The following SOX5 variants were observed in gnomAD, a reference collection of about 807,000 sequenced individuals.
SOX5 encodes the protein transcription factor SOX-5.
In SOX5, 9 loss-of-function variants were observed where a neutral mutation model predicts 92.0. The observed-to-expected ratio is 0.10, with a 90% CI of 0.06 to 0.17. The LOEUF is 0.17. SOX5 is among the 10% of genes least tolerant of loss of function. The pLI is 1.00. For synonymous variants in SOX5, 344 were observed against 336.3 expected, an observed-to-expected ratio of 1.02 and a Z score of -0.25; for missense variants, 642 against 944.5, an observed-to-expected ratio of 0.68 and a Z score of 4.20.
At chr12:23,708,607 G>A (rs560415384) in intron 6 of SOX5, among the ~76,000 whole-genome samples, 63 of 152,290 alleles carry the variant, frequency 4.1e-4, no homozygotes, top group African/African-American at 1.4e-3. Flanking sequence ...ACAGGAGAGC[G>A]AAGCTACTGG....
At chr12:24,086,195 A>AT (rs61331107) in intron 4 of SOX5, among the ~76,000 whole-genome samples, 1,947 of 149,122 alleles carry the variant, frequency 0.013, 26 homozygotes, top group African/African-American at 0.042. Flanking sequence ...AATGCAGTAC[A>AT]TTTTTTTTTT....
intron 9 of SOX5, 106 bp downstream of exon 9, chr12:23,604,281 C>T: frequency 8.3e-6 from 10 of 1,200,166 alleles, no homozygotes; most frequent in Non-Finnish European, 1.2e-5. Flanking sequence ...CCTCCTTGTA[C>T]ACCCAGAGTT....
chr12:23,583,536 C>T (rs140363736), intron 9 of SOX5, among the ~76,000 whole-genome samples: 21 of 152,172 alleles, frequency 1.4e-4, no homozygotes, highest in African/African-American at 4.8e-4. Flanking sequence ...CCTCTGGTCC[C>T]CAGACAACTT....
At chr12:24,361,844 A>C (rs921743754) in intron 2 of SOX5, among the ~76,000 whole-genome samples, 1 of 152,232 alleles carries the variant, frequency 6.6e-6, no homozygotes. Context: ...CTGGGATTTC[A>C]GTTCAGGCTT....
At chr12:23,942,597 G>C (rs1595812427) in intron 1 of SOX5, among the ~76,000 whole-genome samples, 1 of 151,054 alleles carries the variant, frequency 6.6e-6, no homozygotes, top group East Asian at 2.0e-4. Context: ...TTGCTGCTCA[G>C]TGTCCCAATT....
chr12:24,408,794 T>C (rs971154717), intron 1 of SOX5, among the ~76,000 whole-genome samples: 34 of 152,192 alleles, frequency 2.2e-4, no homozygotes, highest in African/African-American at 8.0e-4. Flanking sequence ...ATTAATAATT[T>C]GGAATGGCAA....
At chr12:24,334,888 A>G (rs988467945) in intron 2 of SOX5, among the ~76,000 whole-genome samples, 2 of 145,150 alleles carry the variant, frequency 1.4e-5, no homozygotes, top group Non-Finnish European at 3.0e-5. Flanking sequence ...TTTACACCAT[A>G]TTTACAGTTA....
At chr12:24,426,247 T>G (rs1966748457) in intron 1 of SOX5, among the ~76,000 whole-genome samples, 1 of 144,416 alleles carries the variant, frequency 6.9e-6, no homozygotes, top group Non-Finnish European at 1.5e-5. Context: ...ATATTCTCAC[T>G]CATAGGTGGG....
chr12:23,840,338 A>C (rs2096496932), intron 3 of SOX5, among the ~76,000 whole-genome samples: 1 of 152,190 alleles, frequency 6.6e-6, no homozygotes, highest in Non-Finnish European at 1.5e-5. Flanking sequence ...CATTAAAGAT[A>C]CTCATAAATA....
intron 3 of SOX5, among the ~76,000 whole-genome samples, chr12:23,829,752 T>A (rs1379944639): frequency 6.6e-6 from 1 of 152,146 alleles, no homozygotes. Context: ...AGGAATCAAA[T>A]AGATTCTTTT....
At chr12:24,234,181 A>G (rs113186568) in intron 3 of SOX5, among the ~76,000 whole-genome samples, 24 of 152,322 alleles carry the variant, frequency 1.6e-4, no homozygotes, top group Non-Finnish European at 2.9e-4. Flanking sequence ...ATAATATTTC[A>G]CAGCATAATT....
At chr12:23,543,081 G>T in intron 13 of SOX5, 130 bp downstream of exon 13, 2 of 624,432 alleles carry the variant, frequency 3.2e-6, no homozygotes, top group Non-Finnish European at 2.7e-6. Context: ...CCTCAATGAT[G>T]ATGTTTATTT....
intron 1 of SOX5, among the ~76,000 whole-genome samples, chr12:23,922,071 C>A (rs193264694): frequency 6.6e-5 from 10 of 152,262 alleles, no homozygotes; most frequent in Admixed American, 5.2e-4. Flanking sequence ...ACAACTCCCC[C>A]CCTGGGCTCC....
intron 3 of SOX5, among the ~76,000 whole-genome samples, chr12:23,782,874 G>C (rs907817763): frequency 6.6e-6 from 1 of 151,928 alleles, no homozygotes; most frequent in Non-Finnish European, 1.5e-5. Context: ...ATGAATTTTT[G>C]TGTGTGTGTG....
Position 23,721,108 on chromosome 12 carries a change from G to A in SOX5, c.810+13576C>T, listed in dbSNP as rs190768352. Among the ~76,000 whole-genome samples the A allele has an allele frequency of 7.3e-5, 11 of 151,560 alleles. No individual in the cohort carries two copies. The East Asian group carries it at 1.4e-3, about 19-fold the overall frequency. On this transcript the variant is annotated intron_variant, in intron 6 of 14. Transcript: ENST00000451604. ...TTATTTATTTATTTATTTTTGAGAC[G>A]GAGTTTCACTCTTGTTGCCCAGGCT...
At chr12:23,537,171 A>C (rs946735360) in intron 13 of SOX5, among the ~76,000 whole-genome samples, 19 of 152,102 alleles carry the variant, frequency 1.2e-4, no homozygotes, top group Admixed American at 1.2e-3. Context: ...GTAATTAAAA[A>C]TTCCTTTGAT....
intron 1 of SOX5, among the ~76,000 whole-genome samples, chr12:24,408,566 G>C (rs1963472195): frequency 6.6e-6 from 1 of 152,030 alleles, no homozygotes; most frequent in South Asian, 2.1e-4. Context: ...TTAACCCCTG[G>C]AAACCACTGA....
chr12:24,328,247 T>C (rs1950933839), intron 2 of SOX5, among the ~76,000 whole-genome samples: 1 of 152,208 alleles, frequency 6.6e-6, no homozygotes, highest in African/African-American at 2.4e-5. Context: ...CCTCTCAACG[T>C]CTATATTTGA....
intron 7 of SOX5, among the ~76,000 whole-genome samples, chr12:23,647,326 T>C (rs1279481098): frequency 6.6e-6 from 1 of 152,220 alleles, no homozygotes; most frequent in African/African-American, 2.4e-5. Context: ...AGATGTGCTG[T>C]CATCCAGGCT....
Sources: gnomAD v4.1 joint callset for allele counts (sites outside exome capture counted in the v4.1 genomes callset) on GRCh38, gnomAD v4.1.1 for gene constraint, MANE v1.5 for transcripts, NCBI Gene and HGNC (gene_info 2026-07-23, HGNC 2026-07-21) for gene names.